IQSEC1: variants seen among roughly 807,000 people sequenced by gnomAD.
The protein encoded by IQSEC1 is IQ motif and SEC7 domain-containing protein 1.
IQSEC1 carries 31 observed loss-of-function variants against 91.0 expected under a neutral mutation model. The observed-to-expected ratio is 0.34, with a 90% CI of 0.26 to 0.46. The LOEUF is 0.46. IQSEC1 is among the 20% of genes least tolerant of loss of function. The probability of loss-of-function intolerance (pLI) is 1.00; values close to 1 mark genes in which losing one functional copy is unlikely to be tolerated. For synonymous variants in IQSEC1, 699 were observed against 662.6 expected (o/e 1.05, Z -0.84); for missense variants, 1,388 against 1,575.6 (o/e 0.88, Z 2.02).
intron 9 of IQSEC1, among the ~76,000 whole-genome samples, chr3:12,911,948 CAT>C (rs1695600390): frequency 6.6e-6 from 1 of 152,238 alleles, no homozygotes; most frequent in Non-Finnish European, 1.5e-5. Context: ...CACAACCTGA[CAT>C]AGAGGCGGTA....
intron 1 of IQSEC1, among the ~76,000 whole-genome samples, chr3:13,041,438 T>C (rs1457017095): frequency 1.3e-5 from 2 of 152,136 alleles, no homozygotes; most frequent in African/African-American, 4.8e-5. Flanking sequence ...CTCCCACACT[T>C]TCCCAGAATT....
chr3:13,227,396 A>AT (rs1694774287), intron 1 of IQSEC1, among the ~76,000 whole-genome samples: 1 of 145,258 alleles, frequency 6.9e-6, no homozygotes, highest in Admixed American at 6.8e-5. Flanking sequence ...AAAAAAAAAA[A>AT]GAAAGAAAGA....
intron 1 of IQSEC1, among the ~76,000 whole-genome samples, chr3:12,982,654 G>A (rs1701524219): frequency 6.6e-6 from 1 of 152,246 alleles, no homozygotes; most frequent in Non-Finnish European, 1.5e-5. Flanking sequence ...AGAGGAACAT[G>A]CTCTGGGTCC....
At chr3:13,209,344 T>G (rs191547554) in intron 1 of IQSEC1, among the ~76,000 whole-genome samples, 122 of 152,338 alleles carry the variant, frequency 8.0e-4, no homozygotes, top group African/African-American at 2.8e-3. Flanking sequence ...TAAATTAGCA[T>G]AGATTAAATG....
chr3:13,140,142 C>G (rs1486766158), intron 2 of IQSEC1, among the ~76,000 whole-genome samples: 1 of 152,328 alleles, frequency 6.6e-6, no homozygotes, highest in East Asian at 1.9e-4. Context: ...CGCTCAGACA[C>G]TCCCTCCTCC....
intron 2 of IQSEC1, among the ~76,000 whole-genome samples, chr3:13,101,179 G>A (rs912649473): frequency 2.0e-5 from 3 of 152,210 alleles, no homozygotes; most frequent in Admixed American, 2.0e-4. Flanking sequence ...TGCGACTTCT[G>A]TTTTTAAAAG....
At position 12,941,728 on chromosome 3, in the gene IQSEC1, A is replaced by G. The variant is rs148012608; in HGVS notation, c.161T>C (p.Leu54Pro). 12 of 1,612,344 alleles carry G rather than the reference A, an allele frequency of 7.4e-6. No individual in the cohort carries two copies. The highest frequency in any genetic ancestry group is 3.3e-5 in the Admixed American group (2 of 59,982). ...YEHTSVGAYG[L>P]YSGPPGQQQR... ...CTGTTGCCCCGGCGGCCCCGAGTAC[A>G]GCCCATAGGCTCCCACTGACGTGTG... The change falls in exon 2 of 14, where the codon CTG becomes CCG. Residue 54 changes from leucine (L) to proline (P), a missense_variant. Around this residue, in one of 2 missense-constraint regions of IQSEC1, gnomAD observed 1,059 missense variants for 1,317.8 expected, o/e 0.80. Transcript: ENST00000613206.
At chr3:12,934,393 G>C (rs1482942539) in intron 3 of IQSEC1, among the ~76,000 whole-genome samples, 2 of 152,206 alleles carry the variant, frequency 1.3e-5, no homozygotes, top group African/African-American at 4.8e-5. Flanking sequence ...TGGCTCAAAA[G>C]CACCATCTCC....
intron 1 of IQSEC1, among the ~76,000 whole-genome samples, chr3:13,269,585 G>A (rs1194864411): frequency 6.6e-6 from 1 of 152,198 alleles, no homozygotes; most frequent in African/African-American, 2.4e-5. Flanking sequence ...CTGGCCTCCT[G>A]ATGAGCTGCT....
At chr3:13,093,967 C>G (rs992479979) in intron 2 of IQSEC1, among the ~76,000 whole-genome samples, 6 of 152,226 alleles carry the variant, frequency 3.9e-5, no homozygotes, top group Non-Finnish European at 5.9e-5. Flanking sequence ...TCAGCCCTGG[C>G]GCTTTTGCAG....
At chr3:13,251,561 G>A (rs556089336) in intron 1 of IQSEC1, among the ~76,000 whole-genome samples, 1 of 152,330 alleles carries the variant, frequency 6.6e-6, no homozygotes, top group South Asian at 2.1e-4. Context: ...CTTGAGAAGA[G>A]GACCCAGAAG....
Position 12,901,055 on chromosome 3 carries a change from A to C in IQSEC1, c.3273T>G (p.His1091Gln). The C allele has an allele frequency of 2.6e-6, 4 of 1,516,154 alleles. No homozygotes were observed. In the South Asian group the frequency reaches 3.6e-5, roughly 14 times the overall value. 93.9% of individuals were successfully genotyped at this position (1,516,154 alleles called of 1,614,324 possible). The change falls in exon 14 of 14, where the codon CAT becomes CAG. Residue 1091 changes from histidine (H) to glutamine (Q), a missense_variant. Transcript: ENST00000613206. ...SAHVGHTVHH[H>Q]GQPPAPPPPT... ...GGGGCGGCGGGGCAGGGGGCTGCCC[A>C]TGGTGGTGCACTGTGTGCCCCACGT...
chr3:13,055,612 A>T (rs901029394), intron 1 of IQSEC1, among the ~76,000 whole-genome samples: 1 of 151,978 alleles, frequency 6.6e-6, no homozygotes, highest in African/African-American at 2.4e-5. Flanking sequence ...GAGCAGGGGC[A>T]CAGGCAAAAT....
chr3:13,010,748 C>T (rs1292796479), intron 1 of IQSEC1, among the ~76,000 whole-genome samples: 2 of 152,196 alleles, frequency 1.3e-5, no homozygotes, highest in Non-Finnish European at 2.9e-5. Flanking sequence ...CTCAAAAGCT[C>T]CTGGCGGCTC....
intron 1 of IQSEC1, among the ~76,000 whole-genome samples, chr3:13,029,457 C>T (rs745380760): frequency 1.8e-4 from 27 of 152,242 alleles, no homozygotes; most frequent in Non-Finnish European, 3.1e-4. Context: ...CGGCTCTCCT[C>T]GGCTGGCTTG....
At chr3:13,047,805 G>A (rs1182508212) in intron 1 of IQSEC1, among the ~76,000 whole-genome samples, 1 of 152,180 alleles carries the variant, frequency 6.6e-6, no homozygotes, top group Non-Finnish European at 1.5e-5. Flanking sequence ...AGGAAGCGCA[G>A]TGGGCAGGGT....
At chr3:13,154,053 G>A (rs1026580414) in intron 2 of IQSEC1, among the ~76,000 whole-genome samples, 4 of 152,122 alleles carry the variant, frequency 2.6e-5, no homozygotes, top group African/African-American at 9.7e-5. Flanking sequence ...TTTAAGGACA[G>A]CAGCACTGGG....
intron 1 of IQSEC1, among the ~76,000 whole-genome samples, chr3:13,180,026 G>A (rs1693810046): frequency 1.3e-5 from 2 of 152,172 alleles, no homozygotes; most frequent in Admixed American, 1.3e-4. Context: ...TGTGAGGCCT[G>A]AGCCTCCCCG....
intron 3 of IQSEC1, among the ~76,000 whole-genome samples, chr3:12,931,694 C>T (rs932939059): frequency 2.0e-5 from 3 of 151,480 alleles, no homozygotes; most frequent in Non-Finnish European, 4.4e-5. Context: ...CAGCCACGCT[C>T]CCTGCAGGAT....
Sources: gnomAD v4.1 joint callset for allele counts (sites outside exome capture counted in the v4.1 genomes callset) on GRCh38, gnomAD v4.1.1 for gene constraint, gnomAD v4.1.1 regional missense constraint, MANE v1.5 for transcripts, NCBI Gene and HGNC (gene_info 2026-07-23, HGNC 2026-07-21) for gene names.